TTC29: variants seen among roughly 807,000 people sequenced by gnomAD.
The protein encoded by TTC29 is tetratricopeptide repeat domain 29, also known as tetratricopeptide repeat protein 29.
Under a neutral mutation model 58.1 loss-of-function variants are expected in TTC29, and 49 were observed. The ratio of observed to expected loss-of-function variants is 0.84; its 90% CI spans 0.67 to 1.07. The LOEUF (loss-of-function observed/expected upper bound fraction) is 1.07, where lower values mean the gene tolerates loss of function less well. TTC29 is among the 50% of genes least tolerant of loss of function. The probability of loss-of-function intolerance (pLI) is 0.00; values close to 1 mark genes in which losing one functional copy is unlikely to be tolerated. For missense variants in TTC29, 582 were observed against 555.6 expected (o/e 1.05, Z -0.48); for synonymous variants, 209 against 196.8 (o/e 1.06, Z -0.52).
chr4:146,893,975 A>G (rs1345484958), intron 6 of TTC29, among the ~76,000 whole-genome samples: 10 of 152,324 alleles, frequency 6.6e-5, no homozygotes, highest in African/African-American at 2.2e-4. Flanking sequence ...CAAAACCACA[A>G]TGAGATACCA....
intron 2 of TTC29, among the ~76,000 whole-genome samples, chr4:146,941,513 T>C (rs889815563): frequency 6.6e-6 from 1 of 151,994 alleles, no homozygotes; most frequent in Non-Finnish European, 1.5e-5. Context: ...ATAAGCAAAA[T>C]ATATAGAACC....
chr4:146,935,688 G>C (rs929934076), intron 4 of TTC29, among the ~76,000 whole-genome samples: 4 of 152,148 alleles, frequency 2.6e-5, no homozygotes, highest in Admixed American at 2.0e-4. Context: ...GTCTCAAATA[G>C]ATGTTAAGGC....
intron 11 of TTC29, among the ~76,000 whole-genome samples, chr4:146,780,995 A>G (rs1053436497): frequency 2.6e-5 from 4 of 152,210 alleles, no homozygotes; most frequent in Non-Finnish European, 4.4e-5. Context: ...TGCTAGTTAG[A>G]TGAGCATGCA....
intron 6 of TTC29, among the ~76,000 whole-genome samples, chr4:146,882,165 C>T (rs375289076): frequency 3.3e-5 from 5 of 151,966 alleles, no homozygotes; most frequent in South Asian, 2.1e-4. Context: ...CAAAATATTC[C>T]GGAGGAAGTG....
chr4:146,920,627 A>C (rs908036596), intron 4 of TTC29, among the ~76,000 whole-genome samples: 1 of 146,144 alleles, frequency 6.8e-6, no homozygotes, highest in African/African-American at 2.7e-5. Flanking sequence ...AGAAAAAAGT[A>C]TATACACTTA....
intron 11 of TTC29, among the ~76,000 whole-genome samples, chr4:146,742,151 C>T (rs1745200354): frequency 6.6e-6 from 1 of 152,160 alleles, no homozygotes; most frequent in African/African-American, 2.4e-5. Context: ...GCTGAATGAA[C>T]CCTGCCTCCA....
intron 10 of TTC29, among the ~76,000 whole-genome samples, chr4:146,812,241 AC>A (rs1751072708): frequency 6.6e-6 from 1 of 152,168 alleles, no homozygotes; most frequent in Non-Finnish European, 1.5e-5. Flanking sequence ...TTTTTTAGAA[AC>A]AAAAGTATAA....
chr4:146,838,040 T>C (rs1031947163), intron 8 of TTC29, among the ~76,000 whole-genome samples: 3 of 152,056 alleles, frequency 2.0e-5, no homozygotes, highest in African/African-American at 7.2e-5. Context: ...ATGGCCACTC[T>C]ATCCAATTGC....
intron 6 of TTC29, among the ~76,000 whole-genome samples, chr4:146,876,868 G>C (rs1731293698): frequency 6.6e-6 from 1 of 150,840 alleles, no homozygotes; most frequent in South Asian, 2.1e-4. Context: ...CCCAGGAGGT[G>C]GAGATTGTGG....
intron 8 of TTC29, among the ~76,000 whole-genome samples, chr4:146,834,684 TAAGA>T (rs1471563543): frequency 2.0e-5 from 3 of 152,146 alleles, no homozygotes; most frequent in African/African-American, 7.2e-5. Flanking sequence ...GCACATTTTC[TAAGA>T]AAGAATTAGC....
At chr4:146,804,442 C>T (rs959949266) in intron 10 of TTC29, among the ~76,000 whole-genome samples, 3 of 152,038 alleles carry the variant, frequency 2.0e-5, no homozygotes, top group Admixed American at 6.5e-5. Context: ...TCTAGCTCAG[C>T]GAATCCCACC....
chr4:146,918,093 C>T (rs1248215794), intron 4 of TTC29, among the ~76,000 whole-genome samples: 2 of 150,822 alleles, frequency 1.3e-5, no homozygotes, highest in African/African-American at 4.8e-5. Flanking sequence ...TACGCGTTTA[C>T]TAATTTGAAC....
chr4:146,826,086 A>C (rs1727776866), intron 9 of TTC29, among the ~76,000 whole-genome samples: 1 of 152,096 alleles, frequency 6.6e-6, no homozygotes, highest in Non-Finnish European at 1.5e-5. Flanking sequence ...GTGTCTTTTA[A>C]TTGGGGCATT....
intron 8 of TTC29, among the ~76,000 whole-genome samples, chr4:146,860,660 A>C (rs959461405): frequency 1.3e-5 from 2 of 152,204 alleles, no homozygotes; most frequent in African/African-American, 4.8e-5. Flanking sequence ...GCTACGCAGA[A>C]TGGTGCATAA....
intron 4 of TTC29, among the ~76,000 whole-genome samples, chr4:146,934,808 C>T (rs1735646148): frequency 6.6e-6 from 1 of 152,050 alleles, no homozygotes; most frequent in South Asian, 2.1e-4. Flanking sequence ...GCTGTGAAGA[C>T]ATCTAGGAAG....
chr4:146,795,513 A>C (rs545098355), intron 11 of TTC29, among the ~76,000 whole-genome samples: 1 of 152,258 alleles, frequency 6.6e-6, no homozygotes, highest in East Asian at 1.9e-4. Context: ...TTTTGTATTA[A>C]TTATGCTAAA....
chr4:146,804,640 A>G (rs1239155837), intron 10 of TTC29, among the ~76,000 whole-genome samples: 1 of 152,124 alleles, frequency 6.6e-6, no homozygotes. Flanking sequence ...TGGGTGGAGC[A>G]CACCACAGCT....
At position 146,859,028 on chromosome 4, in the gene TTC29, T is replaced by A. The variant is rs571710570; in HGVS notation, c.885+8470A>T. On this transcript the variant is annotated intron_variant, in intron 8 of 12. Coordinates refer to ENST00000325106, the MANE Select transcript of TTC29 (RefSeq NM_031956.4). ...ACGATCAAAGATTTGATAGCAGATA[T>A]GAGCACCTATATGCATTCCAGGAAA... Among the ~76,000 whole-genome samples the A allele has an allele frequency of 4.6e-5, 7 of 152,310 alleles. No homozygotes were observed. The South Asian group carries it at 8.3e-4, about 18-fold the overall frequency.
chr4:146,796,512 C>T (rs542952551), intron 11 of TTC29, among the ~76,000 whole-genome samples: 7 of 152,054 alleles, frequency 4.6e-5, no homozygotes, highest in Non-Finnish European at 1.0e-4. Context: ...TCTTCTAAAA[C>T]ACACATCATA....
Sources: gnomAD v4.1 joint callset for allele counts (sites outside exome capture counted in the v4.1 genomes callset) on GRCh38, gnomAD v4.1.1 for gene constraint, MANE v1.5 for transcripts, NCBI Gene and HGNC (gene_info 2026-07-23, HGNC 2026-07-21) for gene names.